ANKRD44: variants seen among roughly 807,000 people sequenced by gnomAD.
ANKRD44 encodes the protein serine/threonine-protein phosphatase 6 regulatory ankyrin repeat subunit B.
In ANKRD44, 35 loss-of-function variants were observed where a neutral mutation model predicts 116.0. The observed-to-expected ratio is 0.30, with a 90% CI of 0.23 to 0.40. ANKRD44 has a LOEUF of 0.40. Among genes scored for constraint, ANKRD44 ranks in the 10% least tolerant of loss-of-function variants. The pLI, the probability that ANKRD44 is intolerant of heterozygous loss-of-function variation, is 1.00. For synonymous variants in ANKRD44, 435 were observed against 461.8 expected (o/e 0.94, Z 0.74); for missense variants, 1,014 against 1,242.6 (o/e 0.82, Z 2.77).
At chr2:197,045,092 CTT>C (rs11304628) in intron 16 of ANKRD44, among the ~76,000 whole-genome samples, 168 of 147,938 alleles carry the variant, frequency 1.1e-3, no homozygotes, top group Non-Finnish European at 1.4e-3. Flanking sequence ...TTTCTTTCTT[CTT>C]TTTTTTTTTT....
intron 2 of ANKRD44, among the ~76,000 whole-genome samples, chr2:197,180,087 G>A (rs1319242799): frequency 7.2e-6 from 1 of 139,610 alleles, no homozygotes; most frequent in Non-Finnish European, 1.5e-5. Flanking sequence ...CCTAATCAGC[G>A]AGCCAGAAAC....
intron 23 of ANKRD44, among the ~76,000 whole-genome samples, chr2:197,000,147 A>G (rs2076088515): frequency 6.6e-6 from 1 of 152,212 alleles, no homozygotes; most frequent in Non-Finnish European, 1.5e-5. Context: ...ATATATACAT[A>G]TATGTGTATA....
At chr2:197,273,960 CAAAAAAA>C (rs1158937486) in intron 1 of ANKRD44, among the ~76,000 whole-genome samples, 183 of 9,256 alleles carry the variant, frequency 0.02, 1 homozygote, top group Middle Eastern at 0.077. Flanking sequence ...CAACCAACCA[CAAAAAAA>C]AAAAAAAAAA....
chr2:196,992,226 T>C (rs1000228973), intron 27 of ANKRD44, among the ~76,000 whole-genome samples: 9 of 152,058 alleles, frequency 5.9e-5, no homozygotes, highest in African/African-American at 2.2e-4. Context: ...AAACTTAACG[T>C]TTTGTTGTTT....
intron 15 of ANKRD44, among the ~76,000 whole-genome samples, chr2:197,081,410 A>G (rs1190107852): frequency 2.0e-5 from 3 of 152,206 alleles, no homozygotes; most frequent in Non-Finnish European, 4.4e-5. Context: ...CTGCTGACCA[A>G]TCACAGTGGT....
intron 27 of ANKRD44, among the ~76,000 whole-genome samples, chr2:196,992,104 C>T (rs2075928947): frequency 6.6e-6 from 1 of 152,144 alleles, no homozygotes; most frequent in African/African-American, 2.4e-5. Context: ...TTTCCTTATC[C>T]AACCTTTATC....
chr2:197,300,097 G>T (rs1411679812), intron 1 of ANKRD44, among the ~76,000 whole-genome samples: 1 of 152,174 alleles, frequency 6.6e-6, no homozygotes, highest in Non-Finnish European at 1.5e-5. Context: ...TTTGTAAAAA[G>T]TCATGTGCAA....
intron 4 of ANKRD44, among the ~76,000 whole-genome samples, chr2:197,130,966 T>C (rs913395186): frequency 1.3e-5 from 2 of 152,214 alleles, no homozygotes; most frequent in Non-Finnish European, 2.9e-5. Context: ...CTAATGGGAA[T>C]TGAAGAAAGC....
intron 16 of ANKRD44, among the ~76,000 whole-genome samples, chr2:197,031,804 C>A (rs2076713155): frequency 6.6e-6 from 1 of 151,854 alleles, no homozygotes; most frequent in African/African-American, 2.4e-5. Flanking sequence ...AAAACAGAAT[C>A]TGGAACTTAA....
At chr2:196,999,244 C>A (rs143021094) in intron 23 of ANKRD44, among the ~76,000 whole-genome samples, 192 bp from the exon 24 acceptor site, 1 of 152,122 alleles carries the variant, frequency 6.6e-6, no homozygotes, top group Non-Finnish European at 1.5e-5. Context: ...GGACTGGAAC[C>A]CCCTAGATTT....
intron 2 of ANKRD44, among the ~76,000 whole-genome samples, chr2:197,148,595 T>C (rs1263654911): frequency 6.6e-6 from 1 of 152,240 alleles, no homozygotes; most frequent in East Asian, 1.9e-4. Context: ...TTCCTCTGTC[T>C]CTCACAGATT....
chr2:197,006,049 GGGCAGAA>G lies in ANKRD44; in HGVS notation c.2131-146_2131-140del, dbSNP rs2076196083. 3.7e-5 allele frequency: 28 copies of G among 747,838 alleles called. No homozygotes were observed. In the South Asian group the frequency reaches 3.8e-4, roughly 10 times the overall value. 46.3% of individuals were successfully genotyped at this position (747,838 alleles called of 1,614,324 possible). A position where few individuals can be genotyped will look rare whatever the true frequency, so the allele number is the denominator to read the frequency against. The stretch of plus-strand genomic sequence containing the variant: ...GAAGGCAGACTCTGTCCTATTTCAA[GGGCAGAA>G]GGCAGGACAACCTCAGCAAAATTCA... On this transcript the variant is annotated intron_variant, in intron 20 of 27. Coordinates refer to ENST00000282272, the MANE Select transcript of ANKRD44 (RefSeq NM_001195144.2).
chr2:197,177,198 C>T (rs376625333), intron 2 of ANKRD44, among the ~76,000 whole-genome samples: 31 of 152,160 alleles, frequency 2.0e-4, no homozygotes, highest in African/African-American at 6.3e-4. Flanking sequence ...TTTCTGATTA[C>T]GTTTTTTCAT....
At chr2:197,218,543 C>G (rs1372744362) in intron 1 of ANKRD44, among the ~76,000 whole-genome samples, 1 of 152,116 alleles carries the variant, frequency 6.6e-6, no homozygotes, top group Non-Finnish European at 1.5e-5. Context: ...AGTTGAAGGG[C>G]CACTTTCTCC....
intron 26 of ANKRD44, 79 bp from the exon 27 acceptor site, chr2:196,993,753 A>G (rs1055255689): frequency 5.1e-6 from 6 of 1,182,930 alleles, no homozygotes; most frequent in African/African-American, 4.6e-5. Flanking sequence ...CCATGTCACT[A>G]AAAGGAAGAA....
chr2:197,058,046 A>G (rs755657223), intron 16 of ANKRD44, among the ~76,000 whole-genome samples: 11 of 152,152 alleles, frequency 7.2e-5, no homozygotes, highest in Non-Finnish European at 1.3e-4. Flanking sequence ...AAATCTGTCA[A>G]GATAGGGCTG....
At chr2:197,173,051 A>T (rs375642693) in intron 2 of ANKRD44, among the ~76,000 whole-genome samples, 26 of 152,374 alleles carry the variant, frequency 1.7e-4, no homozygotes, top group East Asian at 5.8e-4. Flanking sequence ...TTGAGGAAAT[A>T]TGCTAACCAA....
rs141359286 is a variant in ANKRD44, at chr2:197,144,221, T to C, written c.190+2806A>G. Among the ~76,000 whole-genome samples, 369 of 152,354 alleles carry C rather than the reference T, an allele frequency of 2.4e-3. 2 individuals carry two copies. The highest frequency in any genetic ancestry group is 8.0e-3 in the African/African-American group (334 of 41,596). On this transcript the variant is annotated intron_variant, in intron 3 of 27. Transcript: ENST00000282272. ...TATCCACCTGGCTAACAGGAGATAATGCCAGCAGGAATTTAGCAAGCTTGG... is the reference window on the plus strand; with the variant it reads ...TATCCACCTGGCTAACAGGAGATAACGCCAGCAGGAATTTAGCAAGCTTGG...
chr2:197,263,472 C>A, intron 1 of ANKRD44: 1 of 429,022 alleles, frequency 2.3e-6, no homozygotes, highest in Admixed American at 3.5e-5. Flanking sequence ...TAGGCTTTAC[C>A]CTCTAGGAAA....
Sources: gnomAD v4.1 joint callset for allele counts (sites outside exome capture counted in the v4.1 genomes callset) on GRCh38, gnomAD v4.1.1 for gene constraint, MANE v1.5 for transcripts, NCBI Gene and HGNC (gene_info 2026-07-23, HGNC 2026-07-21) for gene names.